PLXNA4: variants seen among roughly 807,000 people sequenced by gnomAD.
PLXNA4 encodes the protein plexin-A4.
In PLXNA4, 44 loss-of-function variants were observed where a neutral mutation model predicts 191.8. That is an observed-to-expected ratio of 0.23 (90% CI 0.18 to 0.29). The LOEUF is 0.29. PLXNA4 is among the 10% of genes least tolerant of loss of function. PLXNA4 has a pLI of 1.00. For synonymous variants in PLXNA4, 1,082 were observed against 1,009.5 expected (o/e 1.07, Z -1.36); for missense variants, 1,800 against 2,488.8 (o/e 0.72, Z 5.89).
At chr7:132,240,312 C>T (rs557385391) in intron 5 of PLXNA4, among the ~76,000 whole-genome samples, 1 of 152,334 alleles carries the variant, frequency 6.6e-6, no homozygotes, top group South Asian at 2.1e-4. Flanking sequence ...AAGCCTTCAG[C>T]TTTCTGGTTG....
intron 12 of PLXNA4, among the ~76,000 whole-genome samples, chr7:132,201,177 G>A (rs562831626): frequency 1.0e-3 from 158 of 152,316 alleles, no homozygotes; most frequent in African/African-American, 3.4e-3. Flanking sequence ...GAGTCAAGGA[G>A]AGGGATGGGG....
chr7:132,305,108 G>C (rs1006341508), intron 3 of PLXNA4, among the ~76,000 whole-genome samples: 1 of 152,230 alleles, frequency 6.6e-6, no homozygotes, highest in Non-Finnish European at 1.5e-5. Context: ...GATTCTTGGA[G>C]ACTCTTACCT....
At chr7:132,591,352 G>A (rs182420637) in intron 2 of PLXNA4, among the ~76,000 whole-genome samples, 3 of 152,254 alleles carry the variant, frequency 2.0e-5, no homozygotes, top group Admixed American at 6.5e-5. Flanking sequence ...TCATCCATAC[G>A]ACGGAAGTGA....
intron 2 of PLXNA4, among the ~76,000 whole-genome samples, chr7:132,504,769 A>T (rs1798391069): frequency 6.6e-6 from 1 of 152,190 alleles, no homozygotes; most frequent in African/African-American, 2.4e-5. Context: ...GTGACAAGAG[A>T]GATCTCCAGA....
rs369679657 is a variant in PLXNA4 at position 132,147,886 on chromosome 7, C to A, written c.4864+14G>T. ...GACACCCAGGCCTCCCTAGGACACT[C>A]GGTGGGATCTTACCATATTTACTTG... On this transcript the variant is annotated intron_variant, in intron 27 of 31. Transcript: ENST00000321063. The A allele has an allele frequency of 6.2e-7, 1 of 1,614,000 alleles. No individual in the cohort carries two copies. The highest frequency in any genetic ancestry group is 2.2e-5 in the East Asian group (1 of 44,860).
intron 3 of PLXNA4, among the ~76,000 whole-genome samples, chr7:132,309,134 C>T (rs950705359): frequency 2.0e-5 from 3 of 152,166 alleles, no homozygotes; most frequent in Admixed American, 6.5e-5. Context: ...CCTGAAGCTA[C>T]AGGAATTGTC....
intron 2 of PLXNA4, among the ~76,000 whole-genome samples, chr7:132,498,979 T>C (rs1798140060): frequency 6.6e-6 from 1 of 152,250 alleles, no homozygotes; most frequent in Non-Finnish European, 1.5e-5. Flanking sequence ...GCCCACCAGA[T>C]ATCTAAGTGG....
chr7:132,544,734 T>C (rs1800221071), intron 1 of PLXNA4, among the ~76,000 whole-genome samples: 1 of 152,238 alleles, frequency 6.6e-6, no homozygotes, highest in African/African-American at 2.4e-5. Context: ...CCTAGATGTC[T>C]GTCATGCACT....
At chr7:132,431,804 A>C (rs886323469) in intron 3 of PLXNA4, among the ~76,000 whole-genome samples, 6 of 152,178 alleles carry the variant, frequency 3.9e-5, no homozygotes, top group African/African-American at 1.4e-4. Flanking sequence ...ACATCAGTTA[A>C]ATAAGGGTAC....
chr7:132,404,490 G>C (rs113886024), intron 3 of PLXNA4, among the ~76,000 whole-genome samples: 1 of 152,156 alleles, frequency 6.6e-6, no homozygotes, highest in Non-Finnish European at 1.5e-5. Flanking sequence ...CCACTGGGTG[G>C]CAGAACAGGA....
At chr7:132,214,479 T>C (rs1406370083) in intron 9 of PLXNA4, among the ~76,000 whole-genome samples, 1 of 152,118 alleles carries the variant, frequency 6.6e-6, no homozygotes, top group Admixed American at 6.6e-5. Context: ...GTGTCCCTCC[T>C]AATTGAAATG....
In PLXNA4 at chr7:132,586,045, T is replaced by G. The variant is rs567718369; in HGVS notation, c.-87+59883A>C. ...GAATATCTGAACTGCATCAAGGCAT[T>G]TAATAGACTCTTTAATAAAATCCTT... On this transcript the variant is annotated intron_variant, in intron 2 of 4. Coordinates refer to the PLXNA4 transcript ENST00000378539. Among the ~76,000 whole-genome samples the G allele has an allele frequency of 1.6e-4, 25 of 152,320 alleles. 1 individual carries two copies. The East Asian group carries it at 4.2e-3, about 26-fold the overall frequency.
intron 1 of PLXNA4, among the ~76,000 whole-genome samples, chr7:132,529,848 G>A (rs191916148): frequency 1.2e-3 from 182 of 152,164 alleles, no homozygotes; most frequent in African/African-American, 4.0e-3. Flanking sequence ...CTCGTGATCC[G>A]CCTGCCTCGG....
At chr7:132,349,189 T>TC (rs1803379098) in intron 3 of PLXNA4, among the ~76,000 whole-genome samples, 1 of 152,168 alleles carries the variant, frequency 6.6e-6, no homozygotes, top group South Asian at 2.1e-4. Context: ...AGCTCTTTTT[T>TC]CCCCTCCCTT....
intron 3 of PLXNA4, among the ~76,000 whole-genome samples, chr7:132,457,339 G>A (rs1162710061): frequency 6.6e-6 from 1 of 152,146 alleles, no homozygotes; most frequent in Non-Finnish European, 1.5e-5. Flanking sequence ...ATTCATTACT[G>A]CTGAAAGTAA....
At chr7:132,208,450 A>G (rs141289265) in intron 10 of PLXNA4, among the ~76,000 whole-genome samples, 2,032 of 152,304 alleles carry the variant, frequency 0.013, 53 homozygotes, top group African/African-American at 0.046. Context: ...GACCTGGCCC[A>G]TGGTGGATGG....
At chr7:132,632,235 C>CAAAAAAAAAAAAA (rs398006359) in intron 2 of PLXNA4, among the ~76,000 whole-genome samples, 1 of 78,662 alleles carries the variant, frequency 1.3e-5, no homozygotes, top group Non-Finnish European at 2.5e-5. Flanking sequence ...GACTCCATCT[C>CAAAAAAAAAAAAA]AAAAAAAAAA....
intron 3 of PLXNA4, among the ~76,000 whole-genome samples, chr7:132,394,873 C>G (rs893013641): frequency 1.3e-5 from 2 of 152,246 alleles, no homozygotes; most frequent in Non-Finnish European, 2.9e-5. Context: ...CTCTCTGCTT[C>G]GCCAGAATTC....
chr7:132,142,013 G>T (rs1795285105), intron 29 of PLXNA4, among the ~76,000 whole-genome samples: 1 of 152,224 alleles, frequency 6.6e-6, no homozygotes, highest in South Asian at 2.1e-4. Context: ...TACAAGGCGT[G>T]AGCCACTGTG....
Sources: allele counts gnomAD v4.1 joint callset (sites outside exome capture counted in the v4.1 genomes callset), GRCh38; gene constraint gnomAD v4.1.1; transcripts MANE v1.5; gene names NCBI Gene and HGNC (gene_info 2026-07-23, HGNC 2026-07-21).